KCNG3: variants seen among roughly 807,000 people sequenced by gnomAD.
The protein encoded by KCNG3 is potassium voltage-gated channel modifier subfamily G member 3.
Under a neutral mutation model 29.0 loss-of-function variants are expected in KCNG3, and 15 were observed. The ratio of observed to expected loss-of-function variants is 0.52; its 90% confidence interval spans 0.35 to 0.80. KCNG3 has a LOEUF of 0.80. KCNG3 is among the 30% of genes least tolerant of loss of function. The pLI is 0.01. For missense variants in KCNG3, 512 were observed against 605.7 expected, an observed-to-expected ratio of 0.85 and a Z score of 1.62; for synonymous variants, 322 against 248.9, an observed-to-expected ratio of 1.29 and a Z score of -2.76.
chr2:42,469,391 C>T (rs1263828928), intron 1 of KCNG3, among the ~76,000 whole-genome samples: 4 of 144,100 alleles, frequency 2.8e-5, no homozygotes, highest in Non-Finnish European at 3.0e-5. Flanking sequence ...CACACGAGCC[C>T]GGGTGACAGA....
At chr2:42,432,349 A>G in the KCNG3 span, among the ~76,000 whole-genome samples, 7 of 152,216 alleles carry the variant, frequency 4.6e-5, no homozygotes, top group African/African-American at 1.7e-4. Context: ...ATTCAGTGGT[A>G]CTTGTGCTCA....
Position 42,467,269 on chromosome 2 carries a change from G to C in KCNG3, c.666-22690C>G, listed in dbSNP as rs138232506. 5.1e-3 allele frequency among the ~76,000 whole-genome samples: 780 copies of C among 152,242 alleles called. 4 individuals are homozygous for C. Among genetic ancestry groups the C allele is most frequent in the African/African-American group, 0.018 (732 of 41,538 alleles). ...CACCAAAAGATGCATACCGGGTCCA[G>C]ATGATTTTACAGGCAAGTTCTATCA... On this transcript the variant is annotated intron_variant, in intron 1 of 1. Coordinates refer to ENST00000306078, the MANE Select transcript of KCNG3 (RefSeq NM_133329.6).
At chr2:42,398,628 C>A in the KCNG3 span, among the ~76,000 whole-genome samples, 3 of 152,126 alleles carry the variant, frequency 2.0e-5, no homozygotes, top group Non-Finnish European at 4.4e-5. Context: ...AAGGTTCATT[C>A]CTTTTACTCT....
At chr2:42,403,879 G>A in the KCNG3 span, among the ~76,000 whole-genome samples, 1 of 152,056 alleles carries the variant, frequency 6.6e-6, no homozygotes, top group African/African-American at 2.4e-5. Flanking sequence ...GGGATTACGG[G>A]CATGAGCTAC....
intron 1 of KCNG3, among the ~76,000 whole-genome samples, chr2:42,478,792 A>T (rs1013643381): frequency 2.0e-5 from 3 of 152,112 alleles, no homozygotes; most frequent in Non-Finnish European, 4.4e-5. Flanking sequence ...TTACTGGGTA[A>T]TATTAACACA....
intron 1 of KCNG3, among the ~76,000 whole-genome samples, chr2:42,464,668 G>C (rs1673098217): frequency 6.6e-6 from 1 of 152,106 alleles, no homozygotes; most frequent in Non-Finnish European, 1.5e-5. Flanking sequence ...CACGCCTCTT[G>C]CCTTTGCACA....
At chr2:42,412,781 G>T in the KCNG3 span, among the ~76,000 whole-genome samples, 1 of 152,012 alleles carries the variant, frequency 6.6e-6, no homozygotes, top group African/African-American at 2.4e-5. Flanking sequence ...CATTCACATG[G>T]TTCAAAATTT....
chr2:42,444,301 G>C lies in KCNG3; in HGVS notation c.944C>G (p.Thr315Ser), dbSNP rs1304190199. 6.2e-7 allele frequency: 1 copy of C among 1,614,190 alleles called. No homozygotes were observed. Among genetic ancestry groups the C allele is most frequent in the Admixed American group, 1.7e-5 (1 of 60,024 alleles). ...CATCTCTCGGTAGCAACGTTTGAGA[G>C]TCAAACCGAGTGTCTGAAGACCAAT... ...HFIGLQTLGL[T>S]LKRCYREMVM... The change falls in exon 2 of 2, where the codon ACT becomes AGT. Residue 315 changes from threonine to serine, a missense_variant. This residue lies in a region of KCNG3 where 173 missense variants were observed against 262.4 expected (regional missense o/e 0.66). Coordinates refer to ENST00000306078, the MANE Select transcript of KCNG3 (RefSeq NM_133329.6). This position sits in a 1 kb window ranked among gnomAD's most constrained non-coding sequence, Gnocchi z 5.8.
At chr2:42,402,538 AGTTTT>A in the KCNG3 span, among the ~76,000 whole-genome samples, 354 of 152,318 alleles carry the variant, frequency 2.3e-3, 10 homozygotes, top group East Asian at 0.062. Flanking sequence ...AAAGTTTTAA[AGTTTT>A]GTTTTTTCAC....
chr2:42,471,407 A>T, intron 1 of KCNG3, among the ~76,000 whole-genome samples: 1 of 152,186 alleles, frequency 6.6e-6, no homozygotes, highest in Non-Finnish European at 1.5e-5. Context: ...AAAAGGCTCC[A>T]TGTTGTATAA....
chr2:42,433,525 G>A, the KCNG3 span, among the ~76,000 whole-genome samples: 1 of 152,132 alleles, frequency 6.6e-6, no homozygotes, highest in African/African-American at 2.4e-5. Flanking sequence ...TATCACTTGA[G>A]GTCAGGAGTT....
downstream of KCNG3, among the ~76,000 whole-genome samples, chr2:42,438,543 C>T (rs187346644): frequency 2.8e-3 from 422 of 152,208 alleles, 2 homozygotes; most frequent in African/African-American, 8.6e-3. Flanking sequence ...ATATTTTAAA[C>T]GATAAACCAA....
Position 42,493,580 on chromosome 2 carries a change from G to A in KCNG3, c.-79C>T. Reference sequence around the variant, plus strand: ...CCAAGCCGCCACGCGGGGCCTGCCTGCCCGTGGCTGACGGGGGAGCGCGCC... The same window carrying A: ...CCAAGCCGCCACGCGGGGCCTGCCTACCCGTGGCTGACGGGGGAGCGCGCC... On this transcript the variant is annotated 5_prime_UTR_variant, in exon 1 of 2. Transcript: ENST00000306078. The A allele has an allele frequency of 8.3e-7, 1 of 1,212,076 alleles. No individual in the cohort carries two copies. Among genetic ancestry groups the A allele is most frequent in the Non-Finnish European group, 1.0e-6 (1 of 967,568 alleles). 75.1% of individuals were successfully genotyped at this position (1,212,076 alleles called of 1,614,324 possible). A position where few individuals can be genotyped will look rare whatever the true frequency, so the allele number is the denominator to read the frequency against.
At chr2:42,419,217 C>CTTT in the KCNG3 span, among the ~76,000 whole-genome samples, 2 of 47,536 alleles carry the variant, frequency 4.2e-5, no homozygotes, top group Non-Finnish European at 8.4e-5. Context: ...CAGATGGTAT[C>CTTT]TCTTTTTTTT....
At position 42,444,348 on chromosome 2, in the gene KCNG3, C is replaced by A. The variant is rs1262295014; in HGVS notation, c.897G>T (p.Val299=). 6.2e-7 allele frequency: 1 copy of A among 1,614,026 alleles called. No homozygotes were observed. Among genetic ancestry groups the A allele is most frequent in the Non-Finnish European group, 8.5e-7 (1 of 1,180,016 alleles). Residue 299 remains valine (V), a synonymous_variant, in exon 2 of 2, where the codon GTG becomes GTT. Transcript: ENST00000306078. This position sits in a 1 kb window ranked among gnomAD's most constrained non-coding sequence, Gnocchi z 5.8. ...RVLRMMRIFW[V]IKLARHFIGL... is the part of the protein sequence containing the mutation. The stretch of plus-strand genomic sequence containing the variant: ...CAATGAAGTGACGGGCAAGCTTAAT[C>A]ACCCAAAAAATCCTCATCATTCTAA...
intron 1 of KCNG3, among the ~76,000 whole-genome samples, chr2:42,461,736 A>G (rs959325957): frequency 6.6e-6 from 1 of 152,186 alleles, no homozygotes; most frequent in Non-Finnish European, 1.5e-5. Flanking sequence ...ATCTGTTCCT[A>G]TTCCATACAT....
the KCNG3 span, among the ~76,000 whole-genome samples, chr2:42,430,977 G>C: frequency 6.6e-6 from 1 of 151,496 alleles, no homozygotes; most frequent in South Asian, 2.1e-4. Context: ...GGGTGTACAC[G>C]CACCTGTAAT....
chr2:42,419,147 C>T, the KCNG3 span, among the ~76,000 whole-genome samples: 4 of 146,302 alleles, frequency 2.7e-5, no homozygotes, highest in Non-Finnish European at 4.5e-5. Context: ...GTGTAATGTT[C>T]CTGACAGGCC....
chr2:42,404,537 TG>T, the KCNG3 span, among the ~76,000 whole-genome samples: 2 of 152,138 alleles, frequency 1.3e-5, no homozygotes, highest in Non-Finnish European at 2.9e-5. Flanking sequence ...GAGACCAGCC[TG>T]GGCAACATGG....
Sources: allele counts gnomAD v4.1 joint callset (sites outside exome capture counted in the v4.1 genomes callset), GRCh38; gene constraint gnomAD v4.1.1; regional missense constraint gnomAD v4.1.1; non-coding constraint Gnocchi (gnomAD v3.1); transcripts MANE v1.5; gene names NCBI Gene and HGNC (gene_info 2026-07-23, HGNC 2026-07-21).